MRPL2: variants seen among roughly 807,000 people sequenced by gnomAD.
MRPL2 encodes mitochondrial ribosomal protein L2, also known as large ribosomal subunit protein uL2m.
Under a neutral mutation model 34.6 loss-of-function variants are expected in MRPL2, and 27 were observed. The ratio of observed to expected loss-of-function variants is 0.78; its 90% CI spans 0.58 to 1.08. MRPL2 has a LOEUF of 1.08. Ranked by LOEUF, MRPL2 falls within the 50% of genes least tolerant of loss-of-function variation. The probability of loss-of-function intolerance (pLI) is 0.00; values close to 1 mark genes in which losing one functional copy is unlikely to be tolerated. For synonymous variants in MRPL2, 155 were observed against 158.0 expected, an observed-to-expected ratio of 0.98 and a Z score of 0.14; for missense variants, 414 against 419.3, an observed-to-expected ratio of 0.99 and a Z score of 0.11.
chr6:43,058,192 C>A lies in MRPL2; in HGVS notation c.138G>T (p.Met46Ile), dbSNP rs747042434. ...TAAGAACTGGGCGGCAGGGGAGCAACATCAAGGCAGAGGGCTGTTGGAGGA... is the reference window on the plus strand; with the variant it reads ...TAAGAACTGGGCGGCAGGGGAGCAAAATCAAGGCAGAGGGCTGTTGGAGGA... The part of the protein sequence containing the change: ...NGLLQQPSAL[M>I]LLPCRPVLTS... Residue 46 changes from methionine (M) to isoleucine (I), a missense_variant, in exon 2 of 7, where the codon ATG becomes ATT. By Grantham distance (10) the Met-to-Ile change is conservative (BLOSUM62 1). Coordinates refer to ENST00000388752, the MANE Select transcript of MRPL2 (RefSeq NM_015950.5). 3 of 1,614,060 alleles carry A rather than the reference C, an allele frequency of 1.9e-6. No individual in the cohort carries two copies. In the African/African-American group the frequency reaches 4.0e-5, roughly 22 times the overall value.
chr6:43,059,023 T>C (rs751441779), intron 1 of MRPL2: 47 of 1,000,692 alleles, frequency 4.7e-5, no homozygotes, highest in Non-Finnish European at 6.2e-5. Context: ...TGGCTTATCA[T>C]AGGCACTCGA....
chr6:43,054,620 G>A (rs1258608279), intron 6 of MRPL2, 134 bp from the exon 7 acceptor site: 3 of 689,644 alleles, frequency 4.4e-6, no homozygotes, highest in African/African-American at 1.8e-5. Flanking sequence ...TAAGATGGCT[G>A]ACACTAAGTG....
chr6:43,057,532 T>C (rs1237633029), intron 2 of MRPL2: 1 of 153,002 alleles, frequency 6.5e-6, no homozygotes, highest in Non-Finnish European at 1.5e-5. Flanking sequence ...TTTATAGAGA[T>C]GGGGTTTCAC....
intron 6 of MRPL2, 126 bp downstream of exon 6, chr6:43,055,419 A>G (rs111675957): frequency 0.018 from 16,081 of 869,574 alleles, 416 homozygotes; most frequent in African/African-American, 0.11. Context: ...CATGTGGCAG[A>G]AAAGGACAGC....
At position 43,055,884 on chromosome 6, in the gene MRPL2, C is replaced by A; in HGVS notation, c.631+13G>T. 6.2e-7 allele frequency: 1 copy of A among 1,606,620 alleles called. No homozygotes were observed. The highest frequency in any genetic ancestry group is 1.1e-5 in the South Asian group (1 of 90,206). ...TCCAAACTATAGGACCCAGGCAACTCCTTTCCCCATACCTGCAGCTCGGAT... is the reference window on the plus strand; with the variant it reads ...TCCAAACTATAGGACCCAGGCAACTACTTTCCCCATACCTGCAGCTCGGAT... On this transcript the variant is annotated intron_variant, in intron 5 of 6. Transcript: ENST00000388752.
Position 43,058,251 on chromosome 6 carries a change from T to G in MRPL2, c.97-18A>C. 1 of 1,611,388 alleles carries G rather than the reference T, an allele frequency of 6.2e-7. No individual in the cohort carries two copies. The highest frequency in any genetic ancestry group is 8.5e-7 in the Non-Finnish European group (1 of 1,177,990). ...TTCATCATCTAGGGATAAAAAGACA[T>G]CTCTTTCATTTGAAAGCTAATTGAA... On this transcript the variant is annotated intron_variant, in intron 1 of 6. Transcript: ENST00000388752.
chr6:43,055,767 A>T (rs1764852187), intron 5 of MRPL2, 130 bp downstream of exon 5: 1 of 1,255,760 alleles, frequency 8.0e-7, no homozygotes, highest in Non-Finnish European at 1.1e-6. Flanking sequence ...AGGTAAAAAC[A>T]CATGCATATC....
rs1380720527 is a variant in MRPL2, at chr6:43,055,967, C to G, written c.561G>C (p.Leu187=). The part of the protein sequence containing the change: ...REGDAHPLGA[L]PVGTLINNVE... ...CGTTGTTGATGAGGGTCCCCACAGG[C>G]AGAGCCCCAAGAGGATGCGCATCCC... Residue 187 remains leucine, a synonymous_variant, in exon 5 of 7, where the codon CTG becomes CTC. Transcript: ENST00000388752. 1 of 1,614,154 alleles carries G rather than the reference C, an allele frequency of 6.2e-7. No individual in the cohort carries two copies. The highest frequency in any genetic ancestry group is 1.1e-5 in the South Asian group (1 of 91,082).
rs756727490 is a variant in MRPL2, at chr6:43,058,176, G to C, written c.154C>G (p.Pro52Ala). ...TTAAGGGCCACAGAAGTAAGAACTG[G>C]GCGGCAGGGGAGCAACATCAAGGCA... is the stretch of plus-strand genomic sequence containing the variant. ...PSALMLLPCR[P>A]VLTSVALNAN... The change falls in exon 2 of 7, where the codon CCA becomes GCA. Residue 52 changes from proline to alanine, a missense_variant. Transcript: ENST00000388752. 6.2e-6 allele frequency: 10 copies of C among 1,614,186 alleles called. No individual in the cohort carries two copies. In the East Asian group the frequency reaches 2.2e-4, roughly 36 times the overall value.
At chr6:43,059,014 G>C in intron 1 of MRPL2, 1 of 881,832 alleles carries the variant, frequency 1.1e-6, no homozygotes, top group Non-Finnish European at 1.7e-6. Context: ...ACCTATACCT[G>C]GCTTATCATA....
At position 43,059,276 on chromosome 6, in the gene MRPL2, G is replaced by A. The variant is rs769853070; in HGVS notation, c.96+10C>T. 5 of 1,551,392 alleles carry A rather than the reference G, an allele frequency of 3.2e-6. No homozygotes were observed. The highest frequency in any genetic ancestry group is 2.4e-5 in the East Asian group (1 of 40,954). Reference sequence around the variant, plus strand: ...TGGAAGCAGCCTTCTTCCCGGGTAAGATGGATTACCTGGGCGGCGGGGAAC... The same window carrying A: ...TGGAAGCAGCCTTCTTCCCGGGTAAAATGGATTACCTGGGCGGCGGGGAAC... On this transcript the variant is annotated intron_variant, in intron 1 of 6. Coordinates refer to ENST00000388752, the MANE Select transcript of MRPL2 (RefSeq NM_015950.5).
intron 2 of MRPL2, 134 bp from the exon 3 acceptor site, chr6:43,056,579 C>T: frequency 9.5e-7 from 1 of 1,047,442 alleles, no homozygotes. Flanking sequence ...AAAATTTGCA[C>T]AGCACACTGG....
At chr6:43,059,043 A>T in intron 1 of MRPL2, 1 of 1,247,746 alleles carries the variant, frequency 8.0e-7, no homozygotes, top group Non-Finnish European at 1.1e-6. Context: ...AAACGTTATT[A>T]CTGAAACCTG....
rs1764751000 is a variant in MRPL2, at chr6:43,054,430, TTTG to T, written c.759_761del (p.Asn253del). 6 of 1,614,062 alleles carry T rather than the reference TTTG, an allele frequency of 3.7e-6. No individual in the cohort carries two copies. The highest frequency in any genetic ancestry group is 1.6e-4 in the Middle Eastern group (1 of 6,084). On this transcript the variant is annotated inframe_deletion, in exon 7 of 7. Transcript: ENST00000388752. ...TGCGACCTGCCTTGCCAATGACCCG[TTTG>T]TTATGATCAACGTTGGATACTCGGC...
upstream of MRPL2, chr6:43,059,490 G>A (rs191162098): frequency 3.6e-4 from 516 of 1,449,600 alleles, no homozygotes; most frequent in Non-Finnish European, 4.5e-4. Flanking sequence ...CAGAAAACTG[G>A]AGCCCAAGCT....
At chr6:43,055,844 G>T in intron 5 of MRPL2, 53 bp downstream of exon 5, 2 of 1,524,974 alleles carry the variant, frequency 1.3e-6, no homozygotes, top group South Asian at 1.2e-5. Flanking sequence ...CATGGGTTCA[G>T]ACTCTCCTTG....
chr6:43,055,868 T>C (rs760120122), intron 5 of MRPL2, 29 bp downstream of exon 5: 4 of 1,590,540 alleles, frequency 2.5e-6, no homozygotes, highest in African/African-American at 1.3e-5. Flanking sequence ...TTCCAAACTA[T>C]AGGACCCAGG....
rs777922976 is a variant in MRPL2, at chr6:43,058,189, C to A, written c.141G>T (p.Leu47Phe). 2 of 1,614,156 alleles carry A rather than the reference C, an allele frequency of 1.2e-6. No individual in the cohort carries two copies. Among genetic ancestry groups the A allele is most frequent in the Non-Finnish European group, 1.7e-6 (2 of 1,180,034 alleles). ...GLLQQPSALM[L>F]LPCRPVLTSV... The stretch of plus-strand genomic sequence containing the variant: ...AAGTAAGAACTGGGCGGCAGGGGAG[C>A]AACATCAAGGCAGAGGGCTGTTGGA... Residue 47 changes from leucine (L) to phenylalanine (F), a missense_variant, in exon 2 of 7, where the codon TTG becomes TTT. Coordinates refer to ENST00000388752, the MANE Select transcript of MRPL2 (RefSeq NM_015950.5).
At chr6:43,055,304 A>C (rs1764810594) in intron 6 of MRPL2, among the ~76,000 whole-genome samples, 1 of 152,092 alleles carries the variant, frequency 6.6e-6, no homozygotes, top group Non-Finnish European at 1.5e-5. Context: ...GGTCACAGTG[A>C]GCCCAGATCG....
Sources: gnomAD v4.1 joint callset for allele counts (sites outside exome capture counted in the v4.1 genomes callset) on GRCh38, gnomAD v4.1.1 for gene constraint, MANE v1.5 for transcripts, NCBI Gene and HGNC (gene_info 2026-07-23, HGNC 2026-07-21) for gene names.